The following ARHGEF7 variants were observed in gnomAD, a reference collection of about 807,000 sequenced individuals.
ARHGEF7 encodes PAK-interacting exchange factor beta.
Under a neutral mutation model 109.8 loss-of-function variants are expected in ARHGEF7, and 33 were observed. That is an observed-to-expected ratio of 0.30 (90% CI 0.23 to 0.40). The LOEUF (loss-of-function observed/expected upper bound fraction) is 0.40, where lower values mean the gene tolerates loss of function less well. ARHGEF7 is among the 10% of genes least tolerant of loss of function. ARHGEF7 has a pLI of 1.00. For synonymous variants in ARHGEF7, 458 were observed against 424.6 expected (o/e 1.08, Z -0.97); for missense variants, 938 against 1,098.5 (o/e 0.85, Z 2.07).
At chr13:111,279,590 T>G (rs187694286) in intron 13 of ARHGEF7, among the ~76,000 whole-genome samples, 1 of 152,352 alleles carries the variant, frequency 6.6e-6, no homozygotes, top group African/African-American at 2.4e-5. Flanking sequence ...CACCATGTAC[T>G]GTGGTTTCTG....
intron 1 of ARHGEF7, among the ~76,000 whole-genome samples, chr13:111,128,713 C>G (rs12853515): frequency 0.16 from 23,926 of 152,172 alleles, 1,855 homozygotes; most frequent in East Asian, 0.21. Flanking sequence ...TGTACACTCT[C>G]AGCAACATAT....
In ARHGEF7 at chr13:111,284,456, TGAA is replaced by T. The variant is rs779442162; in HGVS notation, c.1950+1097_1950+1099del. ...CCATTTTCTATCATGGGAAGTTACT[TGAA>T]GAATGTTGCTGTTCCTTATTGTATA... On this transcript the variant is annotated intron_variant, in intron 16 of 21. Coordinates refer to ENST00000646102, the MANE Select transcript of ARHGEF7 (RefSeq NM_001354046.2). 1.5e-4 allele frequency among the ~76,000 whole-genome samples: 23 copies of T among 152,262 alleles called. No individual in the cohort carries two copies. The East Asian group carries it at 1.5e-3, about 10-fold the overall frequency.
At chr13:111,219,423 G>A (rs9583589) in intron 5 of ARHGEF7, among the ~76,000 whole-genome samples, 21,174 of 152,176 alleles carry the variant, frequency 0.14, 1,526 homozygotes, top group South Asian at 0.21. Context: ...TCACCTCTTG[G>A]CTATGTGAAT....
chr13:111,173,011 A>G (rs555009952), intron 2 of ARHGEF7, among the ~76,000 whole-genome samples: 74 of 152,348 alleles, frequency 4.9e-4, no homozygotes, highest in African/African-American at 1.7e-3. Context: ...AGAAATAAAA[A>G]CTGCAGAAAA....
chr13:111,174,855 C>T (rs144036752), intron 2 of ARHGEF7, among the ~76,000 whole-genome samples: 27 of 152,270 alleles, frequency 1.8e-4, no homozygotes, highest in African/African-American at 6.5e-4. Context: ...GCTAGGCGTG[C>T]GAGGACTAGA....
chr13:111,140,429 T>C (rs575210133), intron 1 of ARHGEF7, among the ~76,000 whole-genome samples: 3 of 152,244 alleles, frequency 2.0e-5, no homozygotes, highest in East Asian at 1.9e-4. Flanking sequence ...AGAAGTGACA[T>C]GAACAGAGAC....
intron 1 of ARHGEF7, among the ~76,000 whole-genome samples, chr13:111,140,678 C>CT (rs367985290): frequency 2.4e-4 from 36 of 151,920 alleles, no homozygotes; most frequent in African/African-American, 6.3e-4. Flanking sequence ...TATTATTAAC[C>CT]TTTTTTTTGT....
At chr13:111,120,493 G>GCACA (rs1486623069) in intron 1 of ARHGEF7, among the ~76,000 whole-genome samples, 1 of 150,746 alleles carries the variant, frequency 6.6e-6, no homozygotes, top group African/African-American at 2.4e-5. Context: ...ACAGACACAT[G>GCACA]CGTGTACATA....
rs192288127 is a variant in ARHGEF7, at chr13:111,238,081, A to G, written c.759+4788A>G. Among the ~76,000 whole-genome samples, 373 of 152,340 alleles carry G rather than the reference A, an allele frequency of 2.4e-3. 1 individual carries two copies. Among genetic ancestry groups the G allele is most frequent in the African/African-American group, 8.3e-3 (347 of 41,564 alleles). Reference sequence around the variant, plus strand: ...CTTAAATGCAGATCTTTTAATTTCAATTAGTTTTTGTGACACAGCCAGCCA... The same window carrying G: ...CTTAAATGCAGATCTTTTAATTTCAGTTAGTTTTTGTGACACAGCCAGCCA... On this transcript the variant is annotated intron_variant, in intron 6 of 21. Transcript: ENST00000646102.
intron 2 of ARHGEF7, among the ~76,000 whole-genome samples, chr13:111,162,562 GA>G (rs1317992548): frequency 1.3e-5 from 2 of 152,186 alleles, no homozygotes; most frequent in African/African-American, 4.8e-5. Flanking sequence ...TTACAGTCGA[GA>G]GACTTCAGAA....
chr13:111,123,853 G>T lies in ARHGEF7; in HGVS notation c.165+8162G>T, dbSNP rs577927857. Among the ~76,000 whole-genome samples the T allele has an allele frequency of 3.9e-3, 462 of 117,336 alleles. 6 individuals are homozygous for T. Among genetic ancestry groups the T allele is most frequent in the African/African-American group, 0.014 (439 of 31,242 alleles). 77.0% of individuals were successfully genotyped at this position (117,336 alleles called of 152,430 possible). A position where few individuals can be genotyped will look rare whatever the true frequency, so the allele number is the denominator to read the frequency against. The stretch of plus-strand genomic sequence containing the variant: ...GCTGGTAACTGGCCATCGTTGGCTG[G>T]TGGGCTGCGCCCCCCCCCCCCGGCC... On this transcript the variant is annotated intron_variant, in intron 1 of 21. Transcript: ENST00000646102.
At chr13:111,193,759 C>A (rs1398185714) in intron 2 of ARHGEF7, among the ~76,000 whole-genome samples, 2 of 152,200 alleles carry the variant, frequency 1.3e-5, no homozygotes, top group East Asian at 1.9e-4. Flanking sequence ...CAATGAACTT[C>A]CATTGGTATA....
intron 8 of ARHGEF7, chr13:111,267,008 C>T (rs2091704953): frequency 4.7e-6 from 2 of 427,438 alleles, no homozygotes; most frequent in Non-Finnish European, 4.8e-6. Flanking sequence ...TTCTGGTAGT[C>T]TCTTCCTCAT....
At chr13:111,197,278 C>T (rs796623259) in intron 2 of ARHGEF7, among the ~76,000 whole-genome samples, 1 of 151,756 alleles carries the variant, frequency 6.6e-6, no homozygotes, top group African/African-American at 2.4e-5. Context: ...CCCTGCTGAT[C>T]GGAACAGTTG....
chr13:111,236,119 CT>C (rs2086781506), intron 6 of ARHGEF7, among the ~76,000 whole-genome samples: 1 of 152,192 alleles, frequency 6.6e-6, no homozygotes. Context: ...TAATTTATGT[CT>C]GTTATTATGA....
At position 111,283,282 on chromosome 13, in the gene ARHGEF7, G is replaced by A. The variant is rs753451109; in HGVS notation, c.1869G>A (p.Pro623=). ...TTINWGPLEP[P]KTPKPWSLSC... ...TCAACTGGGGACCCCTGGAGCCTCC[G>A]AAAACACCCAAGCCCTGGAGCCTGA... is the stretch of plus-strand genomic sequence containing the variant. The change falls in exon 16 of 22, where the codon CCG becomes CCA. Residue 623 remains proline, a synonymous_variant. Transcript: ENST00000646102. 37 of 1,578,658 alleles carry A rather than the reference G, an allele frequency of 2.3e-5. No individual in the cohort carries two copies. Among genetic ancestry groups the A allele is most frequent in the Middle Eastern group, 1.7e-4 (1 of 6,052 alleles).
chr13:111,235,055 C>T (rs2086612242), intron 6 of ARHGEF7, among the ~76,000 whole-genome samples: 1 of 152,204 alleles, frequency 6.6e-6, no homozygotes, highest in Admixed American at 6.5e-5. Flanking sequence ...CCTGGAGCTG[C>T]CCTTTCCTCT....
intron 5 of ARHGEF7, among the ~76,000 whole-genome samples, chr13:111,227,778 T>A (rs2085411449): frequency 6.6e-6 from 1 of 152,240 alleles, no homozygotes; most frequent in South Asian, 2.1e-4. Flanking sequence ...CTAAACGAGA[T>A]GCTTTAGTCT....
chr13:111,288,253 T>G (rs561463381), intron 17 of ARHGEF7, 101 bp from the exon 18 acceptor site: 2 of 563,654 alleles, frequency 3.5e-6, no homozygotes, highest in East Asian at 2.9e-5. Context: ...ATTATCTTAC[T>G]TGGTCACTTT....
Sources: allele counts gnomAD v4.1 joint callset (sites outside exome capture counted in the v4.1 genomes callset), GRCh38; gene constraint gnomAD v4.1.1; transcripts MANE v1.5; gene names NCBI Gene and HGNC (gene_info 2026-07-23, HGNC 2026-07-21).